The following WNT11 variants were observed in gnomAD, a reference collection of about 807,000 sequenced individuals.
The protein encoded by WNT11 is Wnt family member 11.
In WNT11, 20 loss-of-function variants were observed where a neutral mutation model predicts 35.6. The observed-to-expected ratio is 0.56, with a 90% CI of 0.40 to 0.82. WNT11 has a LOEUF of 0.82. Ranked by LOEUF, WNT11 falls within the 40% of genes least tolerant of loss-of-function variation. The pLI is 0.00. For missense variants in WNT11, 459 were observed against 504.4 expected, an observed-to-expected ratio of 0.91 and a Z score of 0.86; for synonymous variants, 200 against 211.9, an observed-to-expected ratio of 0.94 and a Z score of 0.49.
At chr11:76,203,143 G>T (rs1007009454) in intron 1 of WNT11, among the ~76,000 whole-genome samples, 1 of 152,204 alleles carries the variant, frequency 6.6e-6, no homozygotes, top group Non-Finnish European at 1.5e-5. Context: ...AGATCTGTAC[G>T]CAGCCAATCA....
intron 2 of WNT11, among the ~76,000 whole-genome samples, chr11:76,195,497 C>G (rs181532953): frequency 1.3e-5 from 2 of 152,222 alleles, no homozygotes; most frequent in Non-Finnish European, 2.9e-5. Flanking sequence ...GAGCTAGGGA[C>G]GGGCCAGGAA....
chr11:76,210,558 G>T, upstream of WNT11: 1 of 985,232 alleles, frequency 1.0e-6, no homozygotes, highest in Non-Finnish European at 1.2e-6. Context: ...CAGCGGGCCC[G>T]TGCGCACTCC....
At chr11:76,202,905 CACTGGGTCCCCTTCACACCTG>C (rs1953405330) in intron 1 of WNT11, among the ~76,000 whole-genome samples, 1 of 152,238 alleles carries the variant, frequency 6.6e-6, no homozygotes, top group Non-Finnish European at 1.5e-5. Context: ...CTGGAAATGA[CACTGGGTCCCCTTCACACCTG>C]ACTGCCCAGA....
At chr11:76,196,347 T>C (rs1953285437) in intron 2 of WNT11, 136 bp downstream of exon 2, 1 of 998,998 alleles carries the variant, frequency 1.0e-6, no homozygotes, top group Non-Finnish European at 1.5e-6. Context: ...TCCATGCCTG[T>C]ATCCACCCGT....
upstream of WNT11, among the ~76,000 whole-genome samples, chr11:76,206,688 C>T (rs981660260): frequency 1.1e-4 from 17 of 152,202 alleles, no homozygotes; most frequent in Non-Finnish European, 2.2e-4. Flanking sequence ...GGCGTGTCTC[C>T]CAGCGTGGCC....
chr11:76,194,477 C>A lies in WNT11; in HGVS notation c.597+90G>T. 1 of 1,453,280 alleles carries A rather than the reference C, an allele frequency of 6.9e-7. No individual in the cohort carries two copies. The highest frequency in any genetic ancestry group is 9.2e-7 in the Non-Finnish European group (1 of 1,088,848). 90.0% of individuals were successfully genotyped at this position (1,453,280 alleles called of 1,614,324 possible). ...GGGCCAGTCAGGGCCCGTCCCCCCG[C>A]ACCCCCCACCACTGGGGCAAGCTGG... On this transcript the variant is annotated intron_variant, in intron 3 of 4. Transcript: ENST00000322563. This position sits in a 1 kb window ranked among gnomAD's most constrained non-coding sequence, Gnocchi z 5.4.
intron 2 of WNT11, among the ~76,000 whole-genome samples, chr11:76,195,744 C>T (rs894404529): frequency 5.3e-5 from 8 of 152,360 alleles, no homozygotes; most frequent in Admixed American, 2.0e-4. Flanking sequence ...TTTCCCTTCT[C>T]CAGCCTCAGT....
At chr11:76,197,626 A>T (rs540090337) in intron 1 of WNT11, among the ~76,000 whole-genome samples, 2 of 152,236 alleles carry the variant, frequency 1.3e-5, no homozygotes, top group Admixed American at 1.3e-4. Flanking sequence ...GAGTACAGTG[A>T]GCACAGAGCC....
chr11:76,191,785 G>C lies in WNT11; in HGVS notation c.669C>G (p.Cys223Trp). 1 of 1,612,410 alleles carries C rather than the reference G, an allele frequency of 6.2e-7. No homozygotes were observed. The highest frequency in any genetic ancestry group is 8.5e-7 in the Non-Finnish European group (1 of 1,180,026). The stretch of plus-strand genomic sequence containing the variant: ...CCTGCAGCTCCTGCAGCCCCTTCCA[G>C]CAGGTGCGGATGGAGCAGGAGCCAG... ...GVSGSCSIRT[C>W]WKGLQELQDV... is the part of the protein sequence containing the mutation. Residue 223 changes from cysteine (C) to tryptophan (W), a missense_variant, in exon 4 of 5, where the codon TGC becomes TGG. Transcript: ENST00000322563.
chr11:76,205,567 C>G (rs1175945039), intron 1 of WNT11, among the ~76,000 whole-genome samples: 4 of 152,188 alleles, frequency 2.6e-5, no homozygotes, highest in Non-Finnish European at 4.4e-5. Context: ...CACTTGGACA[C>G]TTGTGGAGTT....
intron 3 of WNT11, among the ~76,000 whole-genome samples, chr11:76,193,164 C>T (rs934220574): frequency 6.6e-6 from 1 of 152,258 alleles, no homozygotes; most frequent in Non-Finnish European, 1.5e-5. Context: ...CTAGGTTCTG[C>T]TGCTCAGCAT....
chr11:76,204,894 C>T (rs1474732413), intron 1 of WNT11, among the ~76,000 whole-genome samples: 1 of 152,172 alleles, frequency 6.6e-6, no homozygotes, highest in African/African-American at 2.4e-5. Flanking sequence ...TCTGACGCTC[C>T]TTCAGCCAAT....
chr11:76,191,931 C>A (rs1315674680), intron 3 of WNT11, 75 bp from the exon 4 acceptor site: 2 of 1,493,310 alleles, frequency 1.3e-6, no homozygotes, highest in Non-Finnish European at 8.9e-7. Context: ...CAGCCCCACC[C>A]ACCCATGGCT....
intron 2 of WNT11, among the ~76,000 whole-genome samples, chr11:76,195,261 G>A (rs572442409): frequency 6.6e-6 from 1 of 152,362 alleles, no homozygotes; most frequent in Non-Finnish European, 1.5e-5. Context: ...GTACCTGTGA[G>A]CATAATCTTA....
In WNT11 at chr11:76,206,466, G is replaced by A. The variant is rs1228668259; in HGVS notation, c.-59C>T. ...AGGAGGAGCCGCGCCGAAGTCCTCC[G>A]CCTGCACGGCCGCCGCTGGTCCTGC... On this transcript the variant is annotated 5_prime_UTR_variant, in exon 1 of 5. Transcript: ENST00000322563. 3 of 1,331,152 alleles carry A rather than the reference G, an allele frequency of 2.3e-6. No homozygotes were observed. Among genetic ancestry groups the A allele is most frequent in the Non-Finnish European group, 1.9e-6 (2 of 1,042,750 alleles). 82.5% of individuals were successfully genotyped at this position (1,331,152 alleles called of 1,614,324 possible).
At chr11:76,207,427 T>C (rs919384245), upstream of WNT11, among the ~76,000 whole-genome samples, 1 of 152,136 alleles carries the variant, frequency 6.6e-6, no homozygotes, top group African/African-American at 2.4e-5. Context: ...CAGCACCCCG[T>C]GAGATAGGCA....
chr11:76,187,159 C>T lies in WNT11; in HGVS notation c.971G>A (p.Arg324His), dbSNP rs755738744. Residue 324 changes from arginine (R) to histidine (H), a missense_variant, in exon 5 of 5, where the codon CGC (arginine) becomes CAC (histidine). Physicochemically the swap from Arg to His is conservative, Grantham distance 29 (BLOSUM62 0). Coordinates refer to ENST00000322563, the MANE Select transcript of WNT11 (RefSeq NM_004626.3). ...CGRGYNPYTD[R>H]VVERCHCKYH... Reference sequence around the variant, plus strand: ...CTTACAGTGGCACCGCTCGACCACGCGGTCTGTGTAGGGGTTGTAGCCACG... The same window carrying T: ...CTTACAGTGGCACCGCTCGACCACGTGGTCTGTGTAGGGGTTGTAGCCACG... 1.3e-5 allele frequency: 21 copies of T among 1,611,592 alleles called. No homozygotes were observed. Among genetic ancestry groups the T allele is most frequent in the African/African-American group, 8.0e-5 (6 of 74,924 alleles).
intron 4 of WNT11, among the ~76,000 whole-genome samples, chr11:76,187,605 C>T (rs915654741): frequency 2.7e-5 from 4 of 149,770 alleles, no homozygotes; most frequent in Non-Finnish European, 4.4e-5. Context: ...CCCACCCTGG[C>T]CTCCTGAGTA....
At position 76,200,829 on chromosome 11, in the gene WNT11, C is replaced by T. The variant is rs570226241; in HGVS notation, c.84-4111G>A. ...CAAATGAGAAGGACAACGTGGGCGACAGCACATCAGCGCATGGCCTAGCAG... is the reference window on the plus strand; with the variant it reads ...CAAATGAGAAGGACAACGTGGGCGATAGCACATCAGCGCATGGCCTAGCAG... On this transcript the variant is annotated intron_variant, in intron 1 of 4. Transcript: ENST00000322563. 2.6e-5 allele frequency among the ~76,000 whole-genome samples: 4 copies of T among 152,372 alleles called. No individual in the cohort carries two copies. The South Asian group carries it at 6.2e-4, about 24-fold the overall frequency.
Sources: gnomAD v4.1 joint callset for allele counts (sites outside exome capture counted in the v4.1 genomes callset) on GRCh38, gnomAD v4.1.1 for gene constraint, Gnocchi (gnomAD v3.1) non-coding constraint, MANE v1.5 for transcripts, NCBI Gene and HGNC (gene_info 2026-07-23, HGNC 2026-07-21) for gene names.